Variants in CNTNAP5 observed in about 807,000 individuals in gnomAD.
CNTNAP5 encodes the protein contactin-associated protein-like 5.
Under a neutral mutation model 150.2 loss-of-function variants are expected in CNTNAP5, and 72 were observed. The observed-to-expected ratio is 0.48, with a 90% CI of 0.40 to 0.58. CNTNAP5 has a LOEUF of 0.58. Among genes scored for constraint, CNTNAP5 ranks in the 20% least tolerant of loss-of-function variants. The pLI is 0.00. For missense variants in CNTNAP5, 1,636 were observed against 1,626.2 expected (o/e 1.01, Z -0.10); for synonymous variants, 672 against 619.8 (o/e 1.08, Z -1.25).
chr2:124,650,629 A>G (rs1158861824), intron 13 of CNTNAP5, among the ~76,000 whole-genome samples: 1 of 152,150 alleles, frequency 6.6e-6, no homozygotes, highest in Admixed American at 6.5e-5. Context: ...AGTTTGTGCA[A>G]GTTTTTCCTT....
intron 7 of CNTNAP5, among the ~76,000 whole-genome samples, chr2:124,500,784 G>C (rs1251446692): frequency 6.6e-6 from 1 of 152,102 alleles, no homozygotes; most frequent in African/African-American, 2.4e-5. Flanking sequence ...GTTCGAGAAG[G>C]GGCATGTATG....
intron 21 of CNTNAP5, among the ~76,000 whole-genome samples, chr2:124,874,572 T>A (rs767216093): frequency 3.5e-4 from 53 of 152,152 alleles, no homozygotes; most frequent in Non-Finnish European, 6.6e-4. Flanking sequence ...TTCTAAAATA[T>A]ATCAAGAAAA....
intron 1 of CNTNAP5, among the ~76,000 whole-genome samples, chr2:124,073,420 G>A (rs1039119970): frequency 6.6e-6 from 1 of 152,090 alleles, no homozygotes; most frequent in African/African-American, 2.4e-5. Context: ...AAAGTGAAGA[G>A]ACAACCCTCA....
intron 10 of CNTNAP5, among the ~76,000 whole-genome samples, chr2:124,560,868 T>C (rs1695875981): frequency 6.6e-6 from 1 of 152,142 alleles, no homozygotes; most frequent in Non-Finnish European, 1.5e-5. Context: ...CAAATTTTCT[T>C]GTGTCTCAAA....
At chr2:124,406,935 G>A (rs1490695505) in intron 3 of CNTNAP5, among the ~76,000 whole-genome samples, 2 of 152,088 alleles carry the variant, frequency 1.3e-5, no homozygotes, top group East Asian at 3.8e-4. Context: ...TCTCACATAT[G>A]AGTGCAGACA....
chr2:124,825,935 G>A (rs1482835), intron 19 of CNTNAP5, among the ~76,000 whole-genome samples: 17,857 of 152,128 alleles, frequency 0.12, 1,245 homozygotes, highest in Non-Finnish European at 0.16. Context: ...AGAAGATTAA[G>A]AAGGCTCAGG....
chr2:124,218,239 C>T (rs1686211326), intron 1 of CNTNAP5, among the ~76,000 whole-genome samples: 1 of 152,104 alleles, frequency 6.6e-6, no homozygotes, highest in African/African-American at 2.4e-5. Context: ...ATATAGATAA[C>T]TCCCACATGC....
chr2:124,181,886 C>T lies in CNTNAP5; in HGVS notation c.83-39819C>T, dbSNP rs910257724. Among the ~76,000 whole-genome samples the T allele has an allele frequency of 3.3e-5, 5 of 152,214 alleles. No homozygotes were observed. The East Asian group carries it at 9.7e-4, about 29-fold the overall frequency. ...ACAGACTAATCTTTAATATACACAGCAGGATTTTCTCTTTTACCCTTTCAA... is the reference window on the plus strand; with the variant it reads ...ACAGACTAATCTTTAATATACACAGTAGGATTTTCTCTTTTACCCTTTCAA... On this transcript the variant is annotated intron_variant, in intron 1 of 23. Coordinates refer to ENST00000682447, the MANE Select transcript of CNTNAP5 (RefSeq NM_001367498.1).
intron 1 of CNTNAP5, among the ~76,000 whole-genome samples, chr2:124,122,061 C>T (rs1207338860): frequency 1.3e-5 from 2 of 152,102 alleles, no homozygotes; most frequent in African/African-American, 2.4e-5. Flanking sequence ...TGCTAAATAG[C>T]TGTGGATTTA....
intron 13 of CNTNAP5, among the ~76,000 whole-genome samples, chr2:124,714,924 T>A (rs1679912997): frequency 6.6e-6 from 1 of 152,140 alleles, no homozygotes; most frequent in Non-Finnish European, 1.5e-5. Flanking sequence ...ACTCTATTGA[T>A]CTTTTCAGCA....
chr2:124,625,887 G>A (rs72841401), intron 12 of CNTNAP5, among the ~76,000 whole-genome samples: 3,253 of 152,150 alleles, frequency 0.021, 46 homozygotes, highest in Middle Eastern at 0.037. Flanking sequence ...TTATTTATTC[G>A]TACAACTATC....
chr2:124,485,492 A>C (rs765174871), intron 7 of CNTNAP5, among the ~76,000 whole-genome samples: 18 of 151,616 alleles, frequency 1.2e-4, no homozygotes, highest in Admixed American at 6.6e-5. Flanking sequence ...GGGCACCTGT[A>C]GTCCCAGTTA....
intron 3 of CNTNAP5, among the ~76,000 whole-genome samples, chr2:124,291,914 A>G (rs1688304063): frequency 6.6e-6 from 1 of 152,076 alleles, no homozygotes; most frequent in Non-Finnish European, 1.5e-5. Flanking sequence ...ATCTTTTTTC[A>G]ATGTTGAATC....
chr2:124,556,810 C>T (rs1045660176), intron 10 of CNTNAP5, among the ~76,000 whole-genome samples: 39 of 151,894 alleles, frequency 2.6e-4, no homozygotes, highest in African/African-American at 8.5e-4. Context: ...ACTGTGATAG[C>T]GAAAAACACA....
chr2:124,799,665 T>C (rs1681925254), intron 19 of CNTNAP5, among the ~76,000 whole-genome samples: 1 of 152,218 alleles, frequency 6.6e-6, no homozygotes, highest in South Asian at 2.1e-4. Flanking sequence ...CTTTATTTTT[T>C]CTTTGGTTTA....
intron 1 of CNTNAP5, among the ~76,000 whole-genome samples, chr2:124,120,477 A>G (rs1395599371): frequency 6.6e-6 from 1 of 152,216 alleles, no homozygotes; most frequent in Non-Finnish European, 1.5e-5. Context: ...TGAATAGAAC[A>G]TGAATAGGCT....
chr2:124,269,916 C>T (rs1302530600), intron 3 of CNTNAP5, among the ~76,000 whole-genome samples: 5 of 152,154 alleles, frequency 3.3e-5, no homozygotes, highest in Non-Finnish European at 7.3e-5. Flanking sequence ...ATCGATATCC[C>T]ACTTACTCAA....
intron 19 of CNTNAP5, among the ~76,000 whole-genome samples, chr2:124,807,461 C>T (rs1027727008): frequency 2.0e-5 from 3 of 152,088 alleles, no homozygotes; most frequent in African/African-American, 7.2e-5. Context: ...TGAGTATGTG[C>T]CAAGGCATAG....
chr2:124,328,740 G>T (rs1689279348), intron 3 of CNTNAP5, among the ~76,000 whole-genome samples: 1 of 152,090 alleles, frequency 6.6e-6, no homozygotes, highest in Non-Finnish European at 1.5e-5. Flanking sequence ...ATATACAAAA[G>T]AAAGGCTTGG....
Sources: gnomAD v4.1 joint callset for allele counts (sites outside exome capture counted in the v4.1 genomes callset) on GRCh38, gnomAD v4.1.1 for gene constraint, MANE v1.5 for transcripts, NCBI Gene and HGNC (gene_info 2026-07-23, HGNC 2026-07-21) for gene names.